Variants in TMTC2 observed in about 807,000 individuals in gnomAD.
TMTC2 encodes transmembrane O-mannosyltransferase targeting cadherins 2.
A neutral mutation model predicts 82.4 loss-of-function variants in TMTC2; 43 were observed. That is an observed-to-expected ratio of 0.52 (90% CI 0.41 to 0.67). The LOEUF is 0.67. Among genes scored for constraint, TMTC2 ranks in the 30% least tolerant of loss-of-function variants. The pLI, the probability that TMTC2 is intolerant of heterozygous loss-of-function variation, is 0.00. For synonymous variants in TMTC2, 408 were observed against 381.9 expected (o/e 1.07, Z -0.80); for missense variants, 919 against 1,012.4 (o/e 0.91, Z 1.25).
chr12:82,864,385 C>G (rs1326640110), intron 2 of TMTC2, among the ~76,000 whole-genome samples: 1 of 151,902 alleles, frequency 6.6e-6, no homozygotes, highest in Non-Finnish European at 1.5e-5. Flanking sequence ...GGGGAACTAT[C>G]CCATCTGTCT....
intron 2 of TMTC2, among the ~76,000 whole-genome samples, chr12:82,889,334 A>T (rs1873276125): frequency 6.6e-6 from 1 of 151,820 alleles, no homozygotes; most frequent in Non-Finnish European, 1.5e-5. Context: ...CAAAATTTAG[A>T]TTTGTTAATA....
At chr12:82,892,401 A>G (rs1873443152) in intron 2 of TMTC2, among the ~76,000 whole-genome samples, 1 of 152,176 alleles carries the variant, frequency 6.6e-6, no homozygotes. Context: ...TTTTAGCATA[A>G]TAAATGCAAT....
At chr12:82,816,941 G>A (rs890456859) in intron 1 of TMTC2, among the ~76,000 whole-genome samples, 18 of 151,154 alleles carry the variant, frequency 1.2e-4, no homozygotes, top group African/African-American at 4.1e-4. Flanking sequence ...AACAAAACTC[G>A]TAAGAGTCAG....
intron 9 of TMTC2, among the ~76,000 whole-genome samples, chr12:83,033,241 G>T (rs768929384): frequency 1.3e-5 from 2 of 152,094 alleles, no homozygotes; most frequent in African/African-American, 2.4e-5. Flanking sequence ...TATAAAACAT[G>T]AAAATTTAAG....
At chr12:82,875,231 T>G (rs879650866) in intron 2 of TMTC2, among the ~76,000 whole-genome samples, 2 of 152,358 alleles carry the variant, frequency 1.3e-5, no homozygotes, top group South Asian at 2.1e-4. Flanking sequence ...TGTAGTAATA[T>G]GAATCATTCC....
At chr12:82,735,001 G>C (rs536631883) in intron 1 of TMTC2, among the ~76,000 whole-genome samples, 1 of 152,302 alleles carries the variant, frequency 6.6e-6, no homozygotes, top group East Asian at 1.9e-4. Flanking sequence ...ATTGGGAACA[G>C]TCTGAGATTC....
chr12:82,833,746 A>T (rs998322028), intron 1 of TMTC2, among the ~76,000 whole-genome samples: 1 of 152,176 alleles, frequency 6.6e-6, no homozygotes, highest in African/African-American at 2.4e-5. Flanking sequence ...CTGTCTTGAC[A>T]CTCAAGGCTG....
chr12:82,999,960 A>C (rs1655608), intron 8 of TMTC2, among the ~76,000 whole-genome samples: 116,539 of 152,148 alleles, frequency 0.77, 46,181 homozygotes, highest in South Asian at 0.93. Context: ...CCAAAGTCTC[A>C]TCTGAGACAA....
intron 3 of TMTC2, among the ~76,000 whole-genome samples, chr12:82,901,318 T>G (rs1412590017): frequency 6.9e-6 from 1 of 145,062 alleles, no homozygotes; most frequent in African/African-American, 2.5e-5. Flanking sequence ...TTCTTTTTTT[T>G]TTTTGAGACA....
intron 1 of TMTC2, among the ~76,000 whole-genome samples, chr12:82,713,792 A>G (rs1479151583): frequency 6.6e-6 from 1 of 152,214 alleles, no homozygotes; most frequent in African/African-American, 2.4e-5. Flanking sequence ...GTGAAAAAAC[A>G]CAGGAGGAAA....
At chr12:82,732,411 C>T (rs776563137) in intron 1 of TMTC2, among the ~76,000 whole-genome samples, 40 of 152,054 alleles carry the variant, frequency 2.6e-4, no homozygotes, top group Non-Finnish European at 4.4e-4. Context: ...GGCGCGATCT[C>T]GGCTCACTGC....
At chr12:83,108,112 A>G (rs1592496977) in intron 11 of TMTC2, among the ~76,000 whole-genome samples, 1 of 152,090 alleles carries the variant, frequency 6.6e-6, no homozygotes, top group Non-Finnish European at 1.5e-5. Context: ...TGCTTTTTAT[A>G]CAGCCTATAG....
rs2136877495 is a variant in TMTC2, at chr12:82,687,686, AG to A, written c.83+22del. On this transcript the variant is annotated intron_variant, in intron 1 of 11. Coordinates refer to ENST00000321196, the MANE Select transcript of TMTC2 (RefSeq NM_152588.3). ...TGATGACAGGTAAGGGGCCGAGAGG[AG>A]GGGGCGACGGGCTGCAGGGGGCACA... 5 of 1,597,628 alleles carry A rather than the reference AG, an allele frequency of 3.1e-6. No individual in the cohort carries two copies. In the East Asian group the frequency reaches 1.1e-4, roughly 36 times the overall value.
At chr12:82,812,711 G>A (rs765476202) in intron 1 of TMTC2, among the ~76,000 whole-genome samples, 9 of 151,418 alleles carry the variant, frequency 5.9e-5, no homozygotes, top group Non-Finnish European at 8.9e-5. Flanking sequence ...TGACTAACTC[G>A]GTTTGTTTCT....
chr12:82,965,423 G>A (rs959556479), intron 5 of TMTC2, 137 bp from the exon 6 acceptor site: 28 of 838,676 alleles, frequency 3.3e-5, no homozygotes, highest in Non-Finnish European at 5.1e-5. Flanking sequence ...TTGATCCCAT[G>A]AGTATTTGTG....
intron 9 of TMTC2, among the ~76,000 whole-genome samples, chr12:83,033,552 A>G (rs1881528272): frequency 6.6e-6 from 1 of 152,138 alleles, no homozygotes; most frequent in Admixed American, 6.6e-5. Flanking sequence ...GGAGTTTGAG[A>G]CCAGCCTGAC....
intron 11 of TMTC2, among the ~76,000 whole-genome samples, chr12:83,111,477 G>A (rs566669069): frequency 6.6e-5 from 10 of 151,834 alleles, no homozygotes; most frequent in African/African-American, 2.4e-4. Flanking sequence ...CATGTGTTAT[G>A]ATGTATTCTT....
In TMTC2 at chr12:83,056,284, G is replaced by C. The variant is rs919517821; in HGVS notation, c.2267+5266G>C. 2.0e-5 allele frequency among the ~76,000 whole-genome samples: 3 copies of C among 151,874 alleles called. No homozygotes were observed. The South Asian group carries it at 6.2e-4, about 31-fold the overall frequency. On this transcript the variant is annotated intron_variant, in intron 10 of 11. Transcript: ENST00000321196. ...TGTGGGTCACGCATGCAGCTGAGAC[G>C]TGTGCACTTTCCTTTTTTCTAGGCC...
At chr12:82,819,180 G>T (rs1455986943) in intron 1 of TMTC2, among the ~76,000 whole-genome samples, 1 of 151,802 alleles carries the variant, frequency 6.6e-6, no homozygotes, top group Non-Finnish European at 1.5e-5. Context: ...CTGTTTGAAT[G>T]TTTTCTTTGA....
Sources: gnomAD v4.1 joint callset for allele counts (sites outside exome capture counted in the v4.1 genomes callset) on GRCh38, gnomAD v4.1.1 for gene constraint, MANE v1.5 for transcripts, NCBI Gene and HGNC (gene_info 2026-07-23, HGNC 2026-07-21) for gene names.